F8: variants seen among roughly 807,000 people sequenced by gnomAD.
F8 encodes the protein antihemophilic factor.
A neutral mutation model predicts 140.6 loss-of-function variants in F8; 12 were observed. The observed-to-expected ratio is 0.09, with a 90% CI of 0.05 to 0.14. The LOEUF is 0.14. F8 is among the 10% of genes least tolerant of loss of function. The pLI is 1.00. For synonymous variants in F8, 585 were observed against 614.6 expected (o/e 0.95, Z 0.71); for missense variants, 1,354 against 1,720.7 (o/e 0.79, Z 3.77).
chrX:154,885,302 C>A lies in F8; in HGVS notation c.6429+10775G>T. On this transcript the variant is annotated intron_variant, in intron 22 of 25. Coordinates refer to ENST00000360256, the MANE Select transcript of F8 (RefSeq NM_000132.4). ...GAACAGCGGAGAGCGGAACATCACT[C>A]CCCTGCTGCTGGACATGGTGGTTCA... 2.1e-6 allele frequency: 2 copies of A among 951,232 alleles called. 1 individual carries two copies. The highest frequency in any genetic ancestry group is 2.7e-6 in the Non-Finnish European group (2 of 733,185). The allele number at this position is 951,232 out of a possible 1,213,427, so 78.4% of individuals were successfully genotyped here. A position where few individuals can be genotyped will look rare whatever the true frequency, so the allele number is the denominator to read the frequency against.
At chrX:154,969,264 C>A in intron 7 of F8, 67 bp downstream of exon 7, 1 of 988,561 alleles carries the variant, frequency 1.0e-6, no homozygotes, top group Non-Finnish European at 1.4e-6. Flanking sequence ...TGTACATTGT[C>A]CAGTAAATTT....
rs146581224 is a variant in F8 at position 154,966,633 on chromosome X, C to A, written c.1064G>T (p.Arg355Leu). The A allele has an allele frequency of 1.7e-6, 2 of 1,211,073 alleles. No individual in the cohort carries two copies. The highest frequency in any genetic ancestry group is 3.0e-5 in the East Asian group (1 of 33,851). The part of the protein sequence containing the change: ...VDSCPEEPQL[R>L]MKNNEEAEDY... Reference sequence around the variant, plus strand: ...TTCCGCTTCTTCATTATTTTTCATTCGTAGTTGGGGTTCCTCTGGACAGCT... The same window carrying A: ...TTCCGCTTCTTCATTATTTTTCATTAGTAGTTGGGGTTCCTCTGGACAGCT... The change falls in exon 8 of 26, where the codon CGA becomes CTA. Residue 355 changes from arginine to leucine, a missense_variant. Around this residue, in one of 4 missense-constraint regions of F8, gnomAD observed 252 missense variants for 338.5 expected, o/e 0.74. Coordinates refer to ENST00000360256, the MANE Select transcript of F8 (RefSeq NM_000132.4).
At chrX:155,001,192 G>A (rs1185122725) in intron 1 of F8, among the ~76,000 whole-genome samples, 5 of 111,105 alleles carry the variant, frequency 4.5e-5, no homozygotes, top group African/African-American at 1.6e-4. Flanking sequence ...CTGAGATAGA[G>A]AAGGAAAATG....
At chrX:154,925,670 C>T (rs1245168607) in intron 14 of F8, among the ~76,000 whole-genome samples, 1 of 112,355 alleles carries the variant, frequency 8.9e-6, no homozygotes, top group Non-Finnish European at 1.9e-5. Context: ...GCCTGTAGGC[C>T]CTTTGTTTTG....
intron 1 of F8, among the ~76,000 whole-genome samples, chrX:155,001,312 C>CTT (rs35281198): frequency 1.1e-3 from 81 of 75,946 alleles, no homozygotes; most frequent in South Asian, 1.7e-3. Context: ...TATCGTAAAT[C>CTT]TTTTTTTTTT....
At chrX:155,009,645 G>A (rs899097590) in intron 1 of F8, among the ~76,000 whole-genome samples, 3 of 110,766 alleles carry the variant, frequency 2.7e-5, no homozygotes, top group Admixed American at 1.9e-4. Flanking sequence ...TGAGGCAGGA[G>A]AATCGCTTGA....
intron 25 of F8, among the ~76,000 whole-genome samples, chrX:154,849,736 A>G (rs1254180111): frequency 9.0e-6 from 1 of 110,540 alleles, no homozygotes; most frequent in Non-Finnish European, 1.9e-5. Context: ...ATGTTTCTTT[A>G]TCTCTCTTTG....
chrX:154,836,440 GGC>G lies in F8; in HGVS notation c.*1155_*1156del, dbSNP rs1557270919. ...GGGGGATCCTATTGTGTGGTGATAT[GGC>G]AGACTGGAGTGTTTTTTCTGTTTTC... On this transcript the variant is annotated 3_prime_UTR_variant, in exon 26 of 26. Transcript: ENST00000360256. The G allele has an allele frequency of 1.8e-5, 2 of 111,231 alleles. No individual in the cohort carries two copies. Among genetic ancestry groups the G allele is most frequent in the Non-Finnish European group, 3.8e-5 (2 of 53,060 alleles). The allele number at this position is 111,231 out of a possible 1,213,427, so 9.2% of individuals were successfully genotyped here.
chrX:154,960,462 GA>G (rs2073390063), intron 10 of F8, among the ~76,000 whole-genome samples: 1 of 111,071 alleles, frequency 9.0e-6, no homozygotes, highest in Non-Finnish European at 1.9e-5. Context: ...TCTACTAAAA[GA>G]AAAAATAAAT....
chrX:154,981,336 G>A (rs1407437414), intron 6 of F8, among the ~76,000 whole-genome samples: 5 of 110,071 alleles, frequency 4.5e-5, no homozygotes, highest in African/African-American at 1.3e-4. Context: ...GTTTCTGTGA[G>A]GAGATTATTG....
At chrX:154,948,344 T>C (rs2124083081) in intron 12 of F8, among the ~76,000 whole-genome samples, 1 of 111,900 alleles carries the variant, frequency 8.9e-6, no homozygotes, top group East Asian at 2.8e-4. Flanking sequence ...CATTGGTTGA[T>C]ACAACTGGAA....
intron 22 of F8, among the ~76,000 whole-genome samples, chrX:154,870,446 C>T (rs1307018012): frequency 1.8e-5 from 2 of 111,793 alleles, no homozygotes; most frequent in Non-Finnish European, 3.8e-5. Flanking sequence ...TGACAAAAAC[C>T]ACATGATTAT....
chrX:154,939,511 G>A (rs945085733), intron 13 of F8, among the ~76,000 whole-genome samples: 11 of 112,551 alleles, frequency 9.8e-5, no homozygotes, highest in African/African-American at 2.9e-4. Context: ...TAAACAAAGC[G>A]GCCGGGAAGC....
Position 154,928,625 on chromosome X carries a change from A to G in F8, c.5165T>C (p.Val1722Ala), listed in dbSNP as rs1179477749. ...KKTRHYFIAA[V>A]ERLWDYGMSS... Reference sequence around the variant, plus strand: ...CATCCCATAATCCCAGAGCCTCTCCACTGCAGCAATAAAATAGTGTCGTGT... The same window carrying G: ...CATCCCATAATCCCAGAGCCTCTCCGCTGCAGCAATAAAATAGTGTCGTGT... Residue 1722 changes from valine (V) to alanine (A), a missense_variant, in exon 14 of 26, where the codon GTG becomes GCG. Val to Ala is a moderately conservative substitution (Grantham distance 64). This residue lies in a region of F8 where 316 missense variants were observed against 485.4 expected (regional missense o/e 0.65). Transcript: ENST00000360256. 1 of 1,211,535 alleles carries G rather than the reference A, an allele frequency of 8.3e-7. No individual in the cohort carries two copies. The highest frequency in any genetic ancestry group is 3.0e-5 in the East Asian group (1 of 33,853).
chrX:154,950,301 T>C (rs1035994158), intron 12 of F8, among the ~76,000 whole-genome samples: 1 of 112,191 alleles, frequency 8.9e-6, no homozygotes, highest in Non-Finnish European at 1.9e-5. Flanking sequence ...TGGCTTTCGA[T>C]GTTTGGATTT....
At chrX:154,931,754 TC>T in intron 13 of F8, 78 bp from the exon 14 acceptor site, 1 of 884,711 alleles carries the variant, frequency 1.1e-6, no homozygotes, top group Non-Finnish European at 1.6e-6. Context: ...TCTCTCCCAT[TC>T]CCAGATAAAT....
chrX:154,947,646 TG>T (rs1242163228), intron 13 of F8, 51 bp downstream of exon 13: 2 of 960,911 alleles, frequency 2.1e-6, no homozygotes, highest in Admixed American at 4.4e-5. Context: ...AGCATACGAA[TG>T]GCTAGTGAAG....
chrX:154,840,335 T>A (rs1432421868), intron 25 of F8, among the ~76,000 whole-genome samples: 1 of 112,126 alleles, frequency 8.9e-6, no homozygotes, highest in Non-Finnish European at 1.9e-5. Context: ...TTGTCTCAAA[T>A]CTGGCCAACA....
chrX:154,984,326 G>C lies in F8; in HGVS notation c.787+361C>G, dbSNP rs140038838. Among the ~76,000 whole-genome samples the C allele has an allele frequency of 1.9e-4, 21 of 111,916 alleles. No individual in the cohort carries two copies. In the East Asian group the frequency reaches 5.9e-3, roughly 31 times the overall value. Reference sequence around the variant, plus strand: ...AAATAGAAGTAAGAGCTTCCGATGAGTTCTGTTCTGAGCCATAGCTTTTTT... The same window carrying C: ...AAATAGAAGTAAGAGCTTCCGATGACTTCTGTTCTGAGCCATAGCTTTTTT... On this transcript the variant is annotated intron_variant, in intron 6 of 25. Coordinates refer to ENST00000360256, the MANE Select transcript of F8 (RefSeq NM_000132.4).
Sources: gnomAD v4.1 joint callset for allele counts (sites outside exome capture counted in the v4.1 genomes callset) on GRCh38, gnomAD v4.1.1 for gene constraint, gnomAD v4.1.1 regional missense constraint, MANE v1.5 for transcripts, NCBI Gene and HGNC (gene_info 2026-07-23, HGNC 2026-07-21) for gene names.